Variants in GGNBP2 observed in about 807,000 individuals in gnomAD.
GGNBP2 encodes the protein gametogenetin binding protein 2, also known as gametogenetin-binding protein 2.
Under a neutral mutation model 85.9 loss-of-function variants are expected in GGNBP2, and 10 were observed. That is an observed-to-expected ratio of 0.12 (90% CI 0.07 to 0.20). The LOEUF (loss-of-function observed/expected upper bound fraction) is 0.20. Ranked by LOEUF, GGNBP2 falls within the 10% of genes least tolerant of loss-of-function variation. GGNBP2 has a pLI of 1.00. For synonymous variants in GGNBP2, 287 were observed against 285.7 expected, an observed-to-expected ratio of 1.00 and a Z score of -0.05; for missense variants, 595 against 857.8, an observed-to-expected ratio of 0.69 and a Z score of 3.83.
chr17:36,569,240 C>T lies in GGNBP2; in HGVS notation c.641+1464C>T, dbSNP rs534874368. On this transcript the variant is annotated intron_variant, in intron 6 of 13. Transcript: ENST00000613102. Reference sequence around the variant, plus strand: ...CAGCCAGGCCAACGTGGCGAAACCCCGTGTCTACTAAAAATAAAAAAATTA... The same window carrying T: ...CAGCCAGGCCAACGTGGCGAAACCCTGTGTCTACTAAAAATAAAAAAATTA... 2.0e-5 allele frequency among the ~76,000 whole-genome samples: 3 copies of T among 152,042 alleles called. No homozygotes were observed. In the East Asian group the frequency reaches 5.8e-4, roughly 30 times the overall value.
chr17:36,585,818 C>G (rs771497877), intron 10 of GGNBP2, 22 bp from the exon 11 acceptor site: 21 of 1,606,190 alleles, frequency 1.3e-5, no homozygotes, highest in Non-Finnish European at 1.7e-5. Context: ...TTAATAGTAA[C>G]TCTCACTTGA....
intron 4 of GGNBP2, among the ~76,000 whole-genome samples, chr17:36,560,453 G>A (rs1290936203): frequency 1.3e-5 from 2 of 152,200 alleles, no homozygotes; most frequent in Non-Finnish European, 2.9e-5. Flanking sequence ...ATCTCACTAT[G>A]TTGCCCTGGC....
chr17:36,587,379 T>C (rs757024063), intron 13 of GGNBP2, 134 bp downstream of exon 13: 4 of 939,452 alleles, frequency 4.3e-6, no homozygotes, highest in Non-Finnish European at 6.6e-6. Context: ...ATTTCATTAT[T>C]GTTTGGGGAC....
At position 36,589,306 on chromosome 17, in the gene GGNBP2, A is replaced by G; in HGVS notation, c.1989A>G (p.Glu663=). Residue 663 remains glutamate (E), a synonymous_variant, in exon 14 of 14, where the codon GAA becomes GAG. Transcript: ENST00000613102. ...ANNQSFYSNR[E]QYRQHLKEKF... Reference sequence around the variant, plus strand: ...ACCAGTCTTTCTACAGCAATAGAGAACAATACCGACAGCATCTGAAGGAGA... The same window carrying G: ...ACCAGTCTTTCTACAGCAATAGAGAGCAATACCGACAGCATCTGAAGGAGA... 6.2e-7 allele frequency: 1 copy of G among 1,613,450 alleles called. No homozygotes were observed. Among genetic ancestry groups the G allele is most frequent in the Non-Finnish European group, 8.5e-7 (1 of 1,179,346 alleles).
chr17:36,586,177 G>C lies in GGNBP2; in HGVS notation c.1620G>C (p.Lys540Asn). The change falls in exon 12 of 14, where the codon AAG becomes AAC. Residue 540 changes from lysine to asparagine, a missense_variant. This residue lies in a region of GGNBP2 where 120 missense variants were observed against 126.3 expected (regional missense o/e 0.95). Coordinates refer to ENST00000613102, the MANE Select transcript of GGNBP2 (RefSeq NM_024835.5). ...ATAAAAAGAAGAAGAAGAAAAGCAA[G>C]ATACTGAAATGTGATGAACATGTAA... ...GKNKKKKKKS[K>N]ILKCDEHIQK... The C allele has an allele frequency of 6.2e-7, 1 of 1,612,826 alleles. No individual in the cohort carries two copies. The highest frequency in any genetic ancestry group is 8.5e-7 in the Non-Finnish European group (1 of 1,179,814).
chr17:36,576,231 C>T (rs2074580250), intron 6 of GGNBP2, among the ~76,000 whole-genome samples: 2 of 91,008 alleles, frequency 2.2e-5, no homozygotes, highest in Admixed American at 2.5e-4. Context: ...CCCTCCTACT[C>T]AGGAGTCTGA....
intron 4 of GGNBP2, 117 bp from the exon 5 acceptor site, chr17:36,560,656 G>A (rs2074408545): frequency 3.3e-6 from 2 of 604,648 alleles, no homozygotes; most frequent in Admixed American, 3.4e-5. Context: ...TGGGGATAGA[G>A]AAAAGTGGTT....
intron 2 of GGNBP2, among the ~76,000 whole-genome samples, chr17:36,552,506 G>A (rs930081885): frequency 2.0e-5 from 3 of 151,260 alleles, no homozygotes; most frequent in Non-Finnish European, 4.4e-5. Context: ...TTTGCTTTGT[G>A]CTGTTGATAA....
At chr17:36,563,931 A>G (rs956771719) in intron 5 of GGNBP2, among the ~76,000 whole-genome samples, 11 of 152,090 alleles carry the variant, frequency 7.2e-5, no homozygotes, top group African/African-American at 2.7e-4. Flanking sequence ...TTTAGTAGAC[A>G]CAGGGTTTCA....
chr17:36,583,441 C>A (rs1342500492), intron 9 of GGNBP2, among the ~76,000 whole-genome samples: 1 of 152,022 alleles, frequency 6.6e-6, no homozygotes, highest in Non-Finnish European at 1.5e-5. Context: ...TCTAGTCTCA[C>A]ACAGATATTA....
intron 6 of GGNBP2, among the ~76,000 whole-genome samples, chr17:36,574,054 A>G (rs1327788405): frequency 6.6e-6 from 1 of 151,786 alleles, no homozygotes; most frequent in Non-Finnish European, 1.5e-5. Flanking sequence ...ATTTTTTCCC[A>G]TTCTTTGGGT....
At chr17:36,545,867 C>T (rs1474278722) in intron 2 of GGNBP2, 50 bp downstream of exon 2, 3 of 1,248,214 alleles carry the variant, frequency 2.4e-6, no homozygotes, top group Non-Finnish European at 2.3e-6. Context: ...GCAGCTGTTT[C>T]CCCTCCTCCC....
At chr17:36,545,902 A>G (rs1176505233) in intron 2 of GGNBP2, 85 bp downstream of exon 2, 3 of 962,702 alleles carry the variant, frequency 3.1e-6, no homozygotes, top group Admixed American at 2.4e-5. Flanking sequence ...AGCGCTGCGC[A>G]CTGGAGAAAG....
chr17:36,546,558 A>T (rs1332211854), intron 2 of GGNBP2: 1 of 152,142 alleles, frequency 6.6e-6, no homozygotes, highest in African/African-American at 2.4e-5. Flanking sequence ...TAGATTTGGT[A>T]GTGTAGCATT....
chr17:36,558,990 A>G (rs1729493725), intron 4 of GGNBP2, among the ~76,000 whole-genome samples: 1 of 152,086 alleles, frequency 6.6e-6, no homozygotes, highest in Non-Finnish European at 1.5e-5. Flanking sequence ...GATGATTCTC[A>G]GATTTGTGAT....
chr17:36,552,361 T>G (rs1372714226), intron 2 of GGNBP2, among the ~76,000 whole-genome samples: 1 of 152,216 alleles, frequency 6.6e-6, no homozygotes, highest in Non-Finnish European at 1.5e-5. Flanking sequence ...ATTATTATTT[T>G]TTTAAATTTG....
chr17:36,565,596 C>T (rs2074459854), intron 5 of GGNBP2, among the ~76,000 whole-genome samples: 1 of 151,944 alleles, frequency 6.6e-6, no homozygotes, highest in Non-Finnish European at 1.5e-5. Context: ...TTATACTGAT[C>T]AAGTATAGTT....
chr17:36,545,668 G>A lies in GGNBP2; in HGVS notation c.-57G>A, dbSNP rs1284669961. ...CGGCGGCGGCAGAAACAGCAGCGGCGGCGGCGGCGGCAGCTGGGAGGAGGT... is the reference window on the plus strand; with the variant it reads ...CGGCGGCGGCAGAAACAGCAGCGGCAGCGGCGGCGGCAGCTGGGAGGAGGT... On this transcript the variant is annotated 5_prime_UTR_variant, in exon 2 of 14. Coordinates refer to ENST00000613102, the MANE Select transcript of GGNBP2 (RefSeq NM_024835.5). 1 of 1,340,702 alleles carries A rather than the reference G, an allele frequency of 7.5e-7. No homozygotes were observed. The highest frequency in any genetic ancestry group is 2.5e-5 in the East Asian group (1 of 39,676). 83.1% of individuals were successfully genotyped at this position (1,340,702 alleles called of 1,614,324 possible).
At position 36,587,222 on chromosome 17, in the gene GGNBP2, G is replaced by A. The variant is rs776253411; in HGVS notation, c.1867G>A (p.Ala623Thr). The A allele has an allele frequency of 6.2e-7, 1 of 1,614,154 alleles. No homozygotes were observed. Among genetic ancestry groups the A allele is most frequent in the South Asian group, 1.1e-5 (1 of 91,088 alleles). The change falls in exon 13 of 14, where the codon GCC becomes ACC. Residue 623 changes from alanine (A) to threonine (T), a missense_variant. This residue lies in a region of GGNBP2 where 120 missense variants were observed against 126.3 expected (regional missense o/e 0.95). Transcript: ENST00000613102. ...GTTTGGTCCCGATTCCGGAAAAGGT[G>A]CCAAGAGCTTAGTTGAACTCCTTGT... ...TLFGPDSGKG[A>T]KSLVELLDES...
Sources: allele counts gnomAD v4.1 joint callset (sites outside exome capture counted in the v4.1 genomes callset), GRCh38; gene constraint gnomAD v4.1.1; regional missense constraint gnomAD v4.1.1; transcripts MANE v1.5; gene names NCBI Gene and HGNC (gene_info 2026-07-23, HGNC 2026-07-21).